The following TRIQK variants were observed in gnomAD, a reference collection of about 807,000 sequenced individuals.
The protein encoded by TRIQK is triple QxxK/R motif-containing protein.
In TRIQK, 10 loss-of-function variants were observed where a neutral mutation model predicts 10.8. The ratio of observed to expected loss-of-function variants is 0.92; its 90% CI spans 0.57 to 1.57. TRIQK has a LOEUF of 1.57. TRIQK is among the 40% of genes most tolerant of loss of function. The pLI is 0.00. For synonymous variants in TRIQK, 33 were observed against 33.7 expected (o/e 0.98, Z 0.07); for missense variants, 107 against 97.7 (o/e 1.09, Z -0.40).
intron 1 of TRIQK, among the ~76,000 whole-genome samples, chr8:93,016,596 T>C (rs1559732): frequency 0.27 from 40,330 of 152,146 alleles, 6,255 homozygotes; most frequent in African/African-American, 0.43. Flanking sequence ...TTAAATTCAG[T>C]TCTTATTTTT....
At chr8:92,942,916 C>G (rs542497576) in intron 2 of TRIQK, among the ~76,000 whole-genome samples, 2 of 152,162 alleles carry the variant, frequency 1.3e-5, no homozygotes, top group East Asian at 3.9e-4. Context: ...TCTGGTTGAA[C>G]TCCTGAGGTC....
upstream of TRIQK, among the ~76,000 whole-genome samples, chr8:92,970,315 G>A (rs1258314277): frequency 6.6e-6 from 1 of 152,164 alleles, no homozygotes; most frequent in Non-Finnish European, 1.5e-5. Flanking sequence ...ACCAAGCAAT[G>A]GGATTGCTGA....
At chr8:92,943,595 T>C (rs1198922595) in intron 2 of TRIQK, among the ~76,000 whole-genome samples, 1 of 152,192 alleles carries the variant, frequency 6.6e-6, no homozygotes, top group South Asian at 2.1e-4. Flanking sequence ...CTTCAATAAA[T>C]GGTTCTGGGA....
At chr8:92,907,020 C>T (rs1429164179) in intron 3 of TRIQK, among the ~76,000 whole-genome samples, 2 of 152,020 alleles carry the variant, frequency 1.3e-5, no homozygotes, top group African/African-American at 4.8e-5. Flanking sequence ...TTCTCATTAT[C>T]AATGACAGAA....
At position 92,964,942 on chromosome 8, in the gene TRIQK, G is replaced by C. The variant is rs1586511766; in HGVS notation, c.-181+1065C>G. On this transcript the variant is annotated intron_variant, in intron 1 of 4. Coordinates refer to ENST00000521988, the MANE Select transcript of TRIQK (RefSeq NM_001171797.2). The stretch of plus-strand genomic sequence containing the variant: ...AGCAGCACAAGCTTCCTTCCTGGGG[G>C]TTTGCACTGTAAACCTGCCAGAGGA... 1.3e-5 allele frequency: 2 copies of C among 152,278 alleles called. 1 individual carries two copies. The highest frequency in any genetic ancestry group is 3.9e-4 in the East Asian group (2 of 5,182). 9.4% of individuals were successfully genotyped at this position (152,278 alleles called of 1,614,324 possible).
chr8:92,972,466 T>C (rs570398975), intron 1 of TRIQK: 1 of 152,348 alleles, frequency 6.6e-6, no homozygotes, highest in East Asian at 1.9e-4. Context: ...CAATCTATAT[T>C]GTTATGCTGA....
chr8:92,959,480 TACACACACACACACACACACACAC>T (rs34816958), intron 1 of TRIQK, among the ~76,000 whole-genome samples: 4 of 143,628 alleles, frequency 2.8e-5, no homozygotes, highest in African/African-American at 1.0e-4. Context: ...TATATATGCA[TACACACACACACACACACACACAC>T]ACACACACAC....
At chr8:92,928,422 G>A (rs965394959) in intron 2 of TRIQK, among the ~76,000 whole-genome samples, 1 of 152,096 alleles carries the variant, frequency 6.6e-6, no homozygotes, top group Admixed American at 6.5e-5. Flanking sequence ...CAACTGGAGG[G>A]TCCAGATCAG....
At chr8:92,966,980 CAAAAAAAAA>C (rs10655820), upstream of TRIQK, among the ~76,000 whole-genome samples, 12 of 68,860 alleles carry the variant, frequency 1.7e-4, no homozygotes, top group African/African-American at 6.7e-4. Context: ...AAGTAGCATA[CAAAAAAAAA>C]AAAAAAAAAA....
At chr8:92,990,309 A>T (rs1455527682) in intron 1 of TRIQK, among the ~76,000 whole-genome samples, 1 of 152,208 alleles carries the variant, frequency 6.6e-6, no homozygotes, top group Admixed American at 6.5e-5. Context: ...GTCAATTATG[A>T]TACTAATGTG....
chr8:92,892,513 G>A (rs1816817958), intron 3 of TRIQK, among the ~76,000 whole-genome samples: 1 of 151,850 alleles, frequency 6.6e-6, no homozygotes, highest in Admixed American at 6.6e-5. Flanking sequence ...AAACATAAGT[G>A]AGAAATATCC....
At chr8:93,009,026 A>G (rs1029017039) in intron 1 of TRIQK, among the ~76,000 whole-genome samples, 4 of 152,374 alleles carry the variant, frequency 2.6e-5, no homozygotes, top group African/African-American at 9.6e-5. Context: ...AAGCAAGTGA[A>G]GAGACAATAT....
chr8:92,963,340 G>A (rs1382128883), intron 1 of TRIQK: 2 of 151,608 alleles, frequency 1.3e-5, no homozygotes, highest in African/African-American at 2.4e-5. Context: ...TCAGACCAAA[G>A]AAAATAATGA....
intron 1 of TRIQK, among the ~76,000 whole-genome samples, chr8:92,988,184 T>C (rs1211948027): frequency 2.6e-5 from 4 of 151,442 alleles, no homozygotes; most frequent in African/African-American, 9.7e-5. Flanking sequence ...CTAAATTTTT[T>C]TTTTTGTATT....
intron 1 of TRIQK, among the ~76,000 whole-genome samples, chr8:92,954,937 G>A (rs1433168283): frequency 6.6e-6 from 1 of 151,688 alleles, no homozygotes; most frequent in African/African-American, 2.4e-5. Context: ...ATTATTTTCT[G>A]TTATTTTAAT....
At chr8:92,986,794 GAT>G (rs1339151248) in intron 1 of TRIQK, among the ~76,000 whole-genome samples, 2 of 152,160 alleles carry the variant, frequency 1.3e-5, no homozygotes, top group Non-Finnish European at 2.9e-5. Context: ...CAAATACAGA[GAT>G]TGGAGGCTGA....
chr8:92,931,169 A>C (rs1024809554), intron 2 of TRIQK, among the ~76,000 whole-genome samples: 1 of 152,216 alleles, frequency 6.6e-6, no homozygotes, highest in African/African-American at 2.4e-5. Flanking sequence ...TGAGTAATAC[A>C]TCTGTGTTCA....
At chr8:93,010,988 G>T (rs571575561) in intron 1 of TRIQK, among the ~76,000 whole-genome samples, 1 of 151,848 alleles carries the variant, frequency 6.6e-6, no homozygotes, top group Non-Finnish European at 1.5e-5. Context: ...AATTCCACAC[G>T]CACTTTGAAG....
intron 3 of TRIQK, among the ~76,000 whole-genome samples, chr8:92,900,250 T>C (rs1332619103): frequency 6.6e-6 from 1 of 152,194 alleles, no homozygotes; most frequent in African/African-American, 2.4e-5. Flanking sequence ...CTTTTTAATA[T>C]GATGTAATCC....
Sources: gnomAD v4.1 joint callset for allele counts (sites outside exome capture counted in the v4.1 genomes callset) on GRCh38, gnomAD v4.1.1 for gene constraint, MANE v1.5 for transcripts, NCBI Gene and HGNC (gene_info 2026-07-23, HGNC 2026-07-21) for gene names.